KCNH5: variants seen among roughly 807,000 people sequenced by gnomAD.
The protein encoded by KCNH5 is voltage-gated delayed rectifier potassium channel KCNH5.
Under a neutral mutation model 96.1 loss-of-function variants are expected in KCNH5, and 46 were observed. The ratio of observed to expected loss-of-function variants is 0.48; its 90% confidence interval spans 0.38 to 0.61. KCNH5 has a LOEUF of 0.61. Among genes scored for constraint, KCNH5 ranks in the 20% least tolerant of loss-of-function variants. The pLI is 0.00. For synonymous variants in KCNH5, 439 were observed against 449.8 expected, an observed-to-expected ratio of 0.98 and a Z score of 0.30; for missense variants, 907 against 1,225.8, an observed-to-expected ratio of 0.74 and a Z score of 3.88.
chr14:62,769,639 A>C (rs1224961575), intron 10 of KCNH5, among the ~76,000 whole-genome samples: 1 of 152,248 alleles, frequency 6.6e-6, no homozygotes, highest in Non-Finnish European at 1.5e-5. Flanking sequence ...AACACCAATT[A>C]ATAATGGTAA....
chr14:62,725,888 C>T (rs1374954506), intron 10 of KCNH5, among the ~76,000 whole-genome samples: 1 of 152,136 alleles, frequency 6.6e-6, no homozygotes, highest in African/African-American at 2.4e-5. Context: ...AAGATTTATA[C>T]TGCCCCATAT....
chr14:62,837,115 T>C (rs1037221503), intron 8 of KCNH5, among the ~76,000 whole-genome samples: 1 of 152,164 alleles, frequency 6.6e-6, no homozygotes, highest in Non-Finnish European at 1.5e-5. Context: ...TAAATGTGTG[T>C]TCCCTTACCC....
chr14:62,823,740 G>C (rs766171329), intron 8 of KCNH5, among the ~76,000 whole-genome samples: 12 of 151,972 alleles, frequency 7.9e-5, no homozygotes, highest in Non-Finnish European at 1.5e-4. Context: ...GCTTTAAAAT[G>C]ATGAGTATAA....
chr14:62,958,133 T>C (rs1890140735), intron 6 of KCNH5, among the ~76,000 whole-genome samples: 1 of 152,188 alleles, frequency 6.6e-6, no homozygotes, highest in South Asian at 2.1e-4. Flanking sequence ...AGGAAAGATA[T>C]GGGTGTGTAA....
chr14:62,758,569 C>A (rs1255411439), intron 10 of KCNH5, among the ~76,000 whole-genome samples: 1 of 152,174 alleles, frequency 6.6e-6, no homozygotes, highest in Non-Finnish European at 1.5e-5. Context: ...GGAAGCAGCA[C>A]ACATTGCTTT....
chr14:62,850,078 G>A (rs527304740), intron 7 of KCNH5, among the ~76,000 whole-genome samples: 34 of 152,242 alleles, frequency 2.2e-4, no homozygotes, highest in Middle Eastern at 3.4e-3. Flanking sequence ...TAGTCAACAT[G>A]ACAAAATGTA....
At chr14:62,910,815 A>C (rs1889134594) in intron 7 of KCNH5, among the ~76,000 whole-genome samples, 1 of 151,908 alleles carries the variant, frequency 6.6e-6, no homozygotes, top group Non-Finnish European at 1.5e-5. Context: ...CAAGATGTTC[A>C]CATGGCTCAC....
intron 7 of KCNH5, among the ~76,000 whole-genome samples, chr14:62,855,140 GAGA>G: frequency 6.6e-6 from 1 of 152,044 alleles, no homozygotes; most frequent in East Asian, 2.0e-4. Context: ...GGCCCACATA[GAGA>G]AGAATAAAGG....
chr14:63,035,538 C>T, intron 1 of KCNH5, among the ~76,000 whole-genome samples: 1 of 152,190 alleles, frequency 6.6e-6, no homozygotes. Flanking sequence ...TAAGAAGAGG[C>T]TGATGTTTCT....
intron 2 of KCNH5, among the ~76,000 whole-genome samples, chr14:63,015,628 A>G (rs896581350): frequency 3.3e-5 from 5 of 151,980 alleles, no homozygotes; most frequent in South Asian, 4.1e-4. Context: ...AGTTATATAC[A>G]TAGAGAGGGA....
intron 1 of KCNH5, among the ~76,000 whole-genome samples, chr14:63,030,298 C>T (rs1285258458): frequency 6.6e-6 from 1 of 152,188 alleles, no homozygotes; most frequent in South Asian, 2.1e-4. Context: ...ATTATCCCCA[C>T]CAGGAGGCAA....
chr14:63,019,486 G>A (rs1566543365), intron 1 of KCNH5, among the ~76,000 whole-genome samples: 1 of 152,044 alleles, frequency 6.6e-6, no homozygotes, highest in Non-Finnish European at 1.5e-5. Flanking sequence ...AATGGAGTAA[G>A]GACAGACAAG....
At chr14:62,844,850 G>T (rs1887658731) in intron 8 of KCNH5, among the ~76,000 whole-genome samples, 1 of 152,148 alleles carries the variant, frequency 6.6e-6, no homozygotes, top group South Asian at 2.1e-4. Context: ...TAATTTGCTT[G>T]TGGGTTAAAG....
chr14:62,953,806 C>T (rs1186796760), intron 6 of KCNH5, among the ~76,000 whole-genome samples: 2 of 149,710 alleles, frequency 1.3e-5, no homozygotes, highest in Admixed American at 1.3e-4. Context: ...GTGACAGGAA[C>T]TGCCTCTCCA....
chr14:62,849,738 T>TA lies in KCNH5; in HGVS notation c.1483dup (p.Tyr495LeufsTer8). 1 of 1,613,922 alleles carries TA rather than the reference T, an allele frequency of 6.2e-7. No individual in the cohort carries two copies. The highest frequency in any genetic ancestry group is 8.5e-7 in the Non-Finnish European group (1 of 1,179,856). On this transcript the variant is annotated frameshift_variant, in exon 8 of 11. Transcript: ENST00000322893. LOFTEE classifies it high-confidence loss of function. ...CTCACTAAGGCCTTTTGGGACCTGA[T>TA]AGAGTTTTAGGAAGTCCCGTACATT...
intron 9 of KCNH5, among the ~76,000 whole-genome samples, chr14:62,790,984 G>A (rs1243840752): frequency 1.3e-5 from 2 of 151,066 alleles, no homozygotes; most frequent in Non-Finnish European, 3.0e-5. Context: ...TTGTCTGATT[G>A]CCTTTGCTAG....
intron 7 of KCNH5, among the ~76,000 whole-genome samples, chr14:62,912,352 C>G (rs115812416): frequency 6.6e-6 from 1 of 151,880 alleles, no homozygotes; most frequent in South Asian, 2.1e-4. Context: ...AAATCAGAAT[C>G]CAGTCTGCTA....
chr14:62,744,274 T>C (rs1315553758), intron 10 of KCNH5, among the ~76,000 whole-genome samples: 1 of 152,216 alleles, frequency 6.6e-6, no homozygotes, highest in East Asian at 1.9e-4. Context: ...GCACATTATC[T>C]AACTCCTCAG....
intron 10 of KCNH5, among the ~76,000 whole-genome samples, chr14:62,761,180 C>A (rs1166562202): frequency 6.6e-6 from 1 of 151,990 alleles, no homozygotes; most frequent in East Asian, 1.9e-4. Flanking sequence ...TGTGGAGAAA[C>A]CCCGTCTCTA....
Sources: gnomAD v4.1 joint callset for allele counts (sites outside exome capture counted in the v4.1 genomes callset) on GRCh38, gnomAD v4.1.1 for gene constraint, MANE v1.5 for transcripts, NCBI Gene and HGNC (gene_info 2026-07-23, HGNC 2026-07-21) for gene names.